Variants in CCDC73 observed in about 807,000 individuals in gnomAD.
The protein encoded by CCDC73 is coiled-coil domain containing 73, also known as coiled-coil domain-containing protein 73.
A neutral mutation model predicts 116.5 loss-of-function variants in CCDC73; 95 were observed. The ratio of observed to expected loss-of-function variants is 0.82; its 90% CI spans 0.69 to 0.97. CCDC73 has a LOEUF of 0.97. Among genes scored for constraint, CCDC73 ranks in the 50% least tolerant of loss-of-function variants. The pLI is 0.00. For missense variants in CCDC73, 1,066 were observed against 1,206.8 expected (o/e 0.88, Z 1.73); for synonymous variants, 398 against 401.3 (o/e 0.99, Z 0.10).
At chr11:32,664,919 A>G (rs1003504176) in intron 9 of CCDC73, among the ~76,000 whole-genome samples, 1 of 152,110 alleles carries the variant, frequency 6.6e-6, no homozygotes, top group Admixed American at 6.5e-5. Flanking sequence ...TTATGTACCC[A>G]GTAGTCATTC....
At chr11:32,610,455 C>T (rs1048351904) in intron 17 of CCDC73, among the ~76,000 whole-genome samples, 1 of 152,174 alleles carries the variant, frequency 6.6e-6, no homozygotes, top group Non-Finnish European at 1.5e-5. Flanking sequence ...TGTGTTAGTA[C>T]TATAATATTC....
At chr11:32,667,751 G>A (rs904948030) in intron 9 of CCDC73, among the ~76,000 whole-genome samples, 14 of 152,274 alleles carry the variant, frequency 9.2e-5, no homozygotes, top group South Asian at 4.2e-4. Context: ...CTTCTGCATC[G>A]CTCACACTGG....
intron 5 of CCDC73, 54 bp from the exon 6 acceptor site, chr11:32,699,379 G>A (rs1849788839): frequency 4.9e-6 from 7 of 1,419,566 alleles, no homozygotes; most frequent in East Asian, 2.7e-5. Context: ...ATAATACAAA[G>A]GGTAAAATAT....
At chr11:32,619,830 G>T (rs564598281) in intron 14 of CCDC73, among the ~76,000 whole-genome samples, 8 of 129,768 alleles carry the variant, frequency 6.2e-5, no homozygotes, top group Admixed American at 2.8e-4. Context: ...AGAAGGAGAA[G>T]AAGAATGAGG....
intron 12 of CCDC73, among the ~76,000 whole-genome samples, chr11:32,647,132 G>A (rs1384282174): frequency 6.6e-6 from 1 of 152,102 alleles, no homozygotes; most frequent in African/African-American, 2.4e-5. Context: ...CCTGAGACTG[G>A]GTAATTTATA....
chr11:32,766,777 C>T (rs1308961463), intron 1 of CCDC73, among the ~76,000 whole-genome samples: 1 of 152,088 alleles, frequency 6.6e-6, no homozygotes, highest in African/African-American at 2.4e-5. Context: ...CATGAAGGAC[C>T]TCTTCAAGGA....
In CCDC73 at chr11:32,653,217, A is replaced by G. The variant is rs764301357; in HGVS notation, c.845T>C (p.Ile282Thr). The change falls in exon 12 of 18, where the codon ATT (isoleucine) becomes ACT (threonine). Residue 282 changes from isoleucine (I) to threonine (T), a missense_variant. Physicochemically the swap from Ile to Thr is moderately conservative, Grantham distance 89. Transcript: ENST00000335185. ...HIQEEKQDII[I>T]SFQHMQQLLR... is the part of the protein sequence containing the mutation. ...TAACTGCTGCATATGTTGGAAAGAAATGATGATATCCTTTGAAAATACACA... is the reference window on the plus strand; with the variant it reads ...TAACTGCTGCATATGTTGGAAAGAAGTGATGATATCCTTTGAAAATACACA... The G allele has an allele frequency of 1.2e-6, 2 of 1,605,542 alleles. No homozygotes were observed. The highest frequency in any genetic ancestry group is 4.5e-5 in the East Asian group (2 of 44,666).
the CCDC73 span, among the ~76,000 whole-genome samples, chr11:32,813,667 C>A: frequency 6.6e-6 from 1 of 152,130 alleles, no homozygotes; most frequent in African/African-American, 2.4e-5. Context: ...TTTAATATTT[C>A]TTTAATCCTT....
At chr11:32,620,610 C>CAAA (rs57643752) in intron 14 of CCDC73, among the ~76,000 whole-genome samples, 3,221 of 60,754 alleles carry the variant, frequency 0.053, 216 homozygotes, top group African/African-American at 0.078. Context: ...GACTCAGTCT[C>CAAA]AAAAAAAAAA....
intron 4 of CCDC73, 56 bp downstream of exon 4, chr11:32,702,817 G>A (rs1263671084): frequency 1.7e-6 from 2 of 1,152,602 alleles, no homozygotes; most frequent in Non-Finnish European, 2.6e-6. Context: ...ATTCATAGGA[G>A]GGGGAGGAAA....
At chr11:32,763,015 T>G (rs1176266360) in intron 1 of CCDC73, among the ~76,000 whole-genome samples, 1 of 152,216 alleles carries the variant, frequency 6.6e-6, no homozygotes, top group African/African-American at 2.4e-5. Flanking sequence ...CACAGCAGTC[T>G]GAGACCTAAC....
chr11:32,760,938 T>C (rs1415742701), intron 1 of CCDC73, among the ~76,000 whole-genome samples: 1 of 152,204 alleles, frequency 6.6e-6, no homozygotes, highest in African/African-American at 2.4e-5. Context: ...CCACGGAGCT[T>C]ATTAGCACTT....
chr11:32,801,779 T>C, the CCDC73 span, among the ~76,000 whole-genome samples: 2 of 152,182 alleles, frequency 1.3e-5, no homozygotes, highest in Non-Finnish European at 2.9e-5. Flanking sequence ...GTTTAATGTA[T>C]CTATGAGACA....
chr11:32,647,020 T>C (rs915081862), intron 12 of CCDC73, among the ~76,000 whole-genome samples: 1 of 152,240 alleles, frequency 6.6e-6, no homozygotes, highest in Non-Finnish European at 1.5e-5. Flanking sequence ...TAACTAAACA[T>C]ACTTTCTTAG....
At chr11:32,658,565 A>G (rs1439591137) in intron 9 of CCDC73, among the ~76,000 whole-genome samples, 1 of 152,208 alleles carries the variant, frequency 6.6e-6, no homozygotes, top group Non-Finnish European at 1.5e-5. Context: ...GCAAAGGAGA[A>G]TTATTTATCA....
intron 2 of CCDC73, among the ~76,000 whole-genome samples, chr11:32,755,246 C>T (rs1006014359): frequency 4.8e-5 from 7 of 146,438 alleles, no homozygotes; most frequent in Non-Finnish European, 7.5e-5. Flanking sequence ...TTAAATTATC[C>T]TTTCAGAGGC....
At chr11:32,626,330 T>C (rs1428060221) in intron 14 of CCDC73, among the ~76,000 whole-genome samples, 1 of 151,602 alleles carries the variant, frequency 6.6e-6, no homozygotes, top group Non-Finnish European at 1.5e-5. Flanking sequence ...TAAAAGAGGA[T>C]ACAAACAAAT....
At chr11:32,725,083 A>G (rs1009602103) in intron 2 of CCDC73, among the ~76,000 whole-genome samples, 1 of 152,144 alleles carries the variant, frequency 6.6e-6, no homozygotes, top group Non-Finnish European at 1.5e-5. Flanking sequence ...TATACAGTTA[A>G]GTAGTGAAAT....
chr11:32,696,632 T>C (rs1856313550), intron 6 of CCDC73, among the ~76,000 whole-genome samples: 1 of 152,042 alleles, frequency 6.6e-6, no homozygotes, highest in African/African-American at 2.4e-5. Context: ...GACGCGGTTT[T>C]GCCACGTTGC....
Sources: allele counts gnomAD v4.1 joint callset (sites outside exome capture counted in the v4.1 genomes callset), GRCh38; gene constraint gnomAD v4.1.1; transcripts MANE v1.5; gene names NCBI Gene and HGNC (gene_info 2026-07-23, HGNC 2026-07-21).